The following SEPTIN9 variants were observed in gnomAD, a reference collection of about 807,000 sequenced individuals.
SEPTIN9 encodes septin-9.
A neutral mutation model predicts 56.6 loss-of-function variants in SEPTIN9; 13 were observed. The ratio of observed to expected loss-of-function variants is 0.23; its 90% confidence interval spans 0.15 to 0.37. The LOEUF is 0.37. SEPTIN9 is among the 10% of genes least tolerant of loss of function. The pLI is 1.00. For missense variants in SEPTIN9, 650 were observed against 823.1 expected, an observed-to-expected ratio of 0.79 and a Z score of 2.57; for synonymous variants, 332 against 334.1, an observed-to-expected ratio of 0.99 and a Z score of 0.07.
rs2037885887 is a variant in SEPTIN9 at position 77,449,543 on chromosome 17, C to T, written c.722-32601C>T. On this transcript the variant is annotated intron_variant, in intron 3 of 11. Transcript: ENST00000427177. This position sits in a 1 kb window ranked among gnomAD's most constrained non-coding sequence, Gnocchi z 4.6. ...AGAGAAGAAGGTTCGGAGAGGAGGG[C>T]CAAGGAAGAAGGGTTCTGCCCACGG... Among the ~76,000 whole-genome samples, 1 of 152,130 alleles carries T rather than the reference C, an allele frequency of 6.6e-6. No individual in the cohort carries two copies. Among genetic ancestry groups the T allele is most frequent in the South Asian group, 2.1e-4 (1 of 4,830 alleles).
At chr17:77,478,542 C>G (rs1181718555) in intron 3 of SEPTIN9, among the ~76,000 whole-genome samples, 1 of 152,030 alleles carries the variant, frequency 6.6e-6, no homozygotes, top group Non-Finnish European at 1.5e-5. Flanking sequence ...CGTGGTGGCT[C>G]ACGCCTGTAA....
At chr17:77,407,607 A>G (rs1598325475) in intron 3 of SEPTIN9, among the ~76,000 whole-genome samples, 2 of 152,092 alleles carry the variant, frequency 1.3e-5, no homozygotes, top group South Asian at 2.1e-4. Flanking sequence ...GGGCACCTAG[A>G]TGGTTGAAGG....
intron 2 of SEPTIN9, among the ~76,000 whole-genome samples, chr17:77,336,447 A>G (rs2033557017): frequency 6.6e-6 from 1 of 152,190 alleles, no homozygotes; most frequent in Non-Finnish European, 1.5e-5. Context: ...ATTGTTTTGT[A>G]GTTTTCAAGA....
intron 1 of SEPTIN9, among the ~76,000 whole-genome samples, chr17:77,289,889 C>T (rs1301575623): frequency 6.6e-6 from 1 of 152,144 alleles, no homozygotes; most frequent in Non-Finnish European, 1.5e-5. Flanking sequence ...CTTCTGTGTT[C>T]CATTCAGTGC....
intron 1 of SEPTIN9, among the ~76,000 whole-genome samples, chr17:77,302,798 C>T (rs189640217): frequency 6.6e-6 from 1 of 152,130 alleles, no homozygotes; most frequent in African/African-American, 2.4e-5. Context: ...GGCAAAAGAG[C>T]AGGGAGGGCA....
chr17:77,315,286 A>G (rs1469797659), intron 2 of SEPTIN9, among the ~76,000 whole-genome samples: 1 of 142,798 alleles, frequency 7.0e-6, no homozygotes, highest in Non-Finnish European at 1.5e-5. Flanking sequence ...ATGACCACCT[A>G]ACTTCTTTTT....
intron 8 of SEPTIN9, 72 bp downstream of exon 8, chr17:77,490,931 C>A: frequency 1.6e-6 from 2 of 1,213,926 alleles, no homozygotes; most frequent in Non-Finnish European, 2.4e-6. Flanking sequence ...GCAGGGGCCA[C>A]CCCGTCTAAA....
rs1256694218 is a variant in SEPTIN9, at chr17:77,367,622, C to T, written c.77-34437C>T. Among the ~76,000 whole-genome samples the T allele has an allele frequency of 6.6e-6, 1 of 151,852 alleles. No homozygotes were observed. The highest frequency in any genetic ancestry group is 2.1e-4 in the South Asian group (1 of 4,808). ...CTTGAGGCCAGGAGTTCGAGACTACCCTGGCCAACACGGTGAAACCCCATC... is the reference window on the plus strand; with the variant it reads ...CTTGAGGCCAGGAGTTCGAGACTACTCTGGCCAACACGGTGAAACCCCATC... On this transcript the variant is annotated intron_variant, in intron 2 of 11. Coordinates refer to ENST00000427177, the MANE Select transcript of SEPTIN9 (RefSeq NM_001113491.2). This position sits in a 1 kb window ranked among gnomAD's most constrained non-coding sequence, Gnocchi z 4.5.
At chr17:77,301,451 G>A (rs967469284) in intron 1 of SEPTIN9, among the ~76,000 whole-genome samples, 2 of 150,970 alleles carry the variant, frequency 1.3e-5, no homozygotes, top group African/African-American at 4.9e-5. Context: ...TTGAGAAAGA[G>A]TTTCGCTCTG....
chr17:77,464,929 C>T (rs1381717646), intron 3 of SEPTIN9, among the ~76,000 whole-genome samples: 1 of 152,202 alleles, frequency 6.6e-6, no homozygotes, highest in East Asian at 1.9e-4. Flanking sequence ...ACACAGCCAT[C>T]GCCATTAATC....
chr17:77,440,434 C>T (rs140636811), intron 3 of SEPTIN9, among the ~76,000 whole-genome samples: 1,623 of 152,316 alleles, frequency 0.011, 31 homozygotes, highest in African/African-American at 0.037. Context: ...GGATTACAGG[C>T]GTGAGCCACT....
Position 77,476,047 on chromosome 17 carries a change from G to C in SEPTIN9, c.722-6097G>C. On this transcript the variant is annotated intron_variant, in intron 3 of 11. Coordinates refer to ENST00000427177, the MANE Select transcript of SEPTIN9 (RefSeq NM_001113491.2). The surrounding 1 kb of genome is among the most constrained non-coding windows in gnomAD (Gnocchi z 6.0). ...CCGGCTGTCACTCCCCTGGAGCTGG[G>C]AATGGCATTGGGCGGTGGCTCAGGG... 2 of 902,582 alleles carry C rather than the reference G, an allele frequency of 2.2e-6. No individual in the cohort carries two copies. Among genetic ancestry groups the C allele is most frequent in the Non-Finnish European group, 3.4e-6 (2 of 586,852 alleles). The allele number at this position is 902,582 out of a possible 1,614,324, so 55.9% of individuals were successfully genotyped here. A position where few individuals can be genotyped will look rare whatever the true frequency, so the allele number is the denominator to read the frequency against.
At chr17:77,409,203 A>G (rs571778720) in intron 3 of SEPTIN9, among the ~76,000 whole-genome samples, 1 of 152,208 alleles carries the variant, frequency 6.6e-6, no homozygotes, top group East Asian at 1.9e-4. Flanking sequence ...CCTTCTAAGA[A>G]CAAGTACCCT....
In SEPTIN9 at chr17:77,492,852, C is replaced by G; in HGVS notation, c.1477-128C>G. ...GGGCACTGAGCCCAGGTGTCTGTAC[C>G]CAGTGCTGTCAGGCTGAGGCTCTCG... On this transcript the variant is annotated intron_variant, in intron 9 of 11. Coordinates refer to ENST00000427177, the MANE Select transcript of SEPTIN9 (RefSeq NM_001113491.2). This position sits in a 1 kb window ranked among gnomAD's most constrained non-coding sequence, Gnocchi z 5.4. The G allele has an allele frequency of 1.7e-6, 2 of 1,190,100 alleles. No homozygotes were observed. Among genetic ancestry groups the G allele is most frequent in the Non-Finnish European group, 2.5e-6 (2 of 802,500 alleles). The allele number at this position is 1,190,100 out of a possible 1,614,324, so 73.7% of individuals were successfully genotyped here. A position where few individuals can be genotyped will look rare whatever the true frequency, so the allele number is the denominator to read the frequency against.
chr17:77,291,443 A>G (rs2031549686), intron 1 of SEPTIN9, among the ~76,000 whole-genome samples: 1 of 151,512 alleles, frequency 6.6e-6, no homozygotes, highest in African/African-American at 2.4e-5. Context: ...GACCAGCCTG[A>G]CCAACATGGA....
intron 10 of SEPTIN9, among the ~76,000 whole-genome samples, chr17:77,494,807 G>A (rs1361806169): frequency 6.6e-6 from 1 of 152,192 alleles, no homozygotes; most frequent in Non-Finnish European, 1.5e-5. Flanking sequence ...GGGAGTTCAT[G>A]CCTGGAGGAG....
chr17:77,287,418 C>A (rs2031331225), intron 1 of SEPTIN9, among the ~76,000 whole-genome samples: 1 of 152,226 alleles, frequency 6.6e-6, no homozygotes, highest in Admixed American at 6.5e-5. Flanking sequence ...TGTGAGCTGC[C>A]CGTCTCCCTG....
intron 2 of SEPTIN9, among the ~76,000 whole-genome samples, chr17:77,342,857 C>T (rs2033775728): frequency 6.6e-6 from 1 of 152,082 alleles, no homozygotes; most frequent in East Asian, 1.9e-4. Context: ...GCCTGCGGTT[C>T]CAGCTACTTG....
chr17:77,490,826 C>A lies in SEPTIN9; in HGVS notation c.1347C>A (p.Leu449=). 1 of 1,592,086 alleles carries A rather than the reference C, an allele frequency of 6.3e-7. No homozygotes were observed. Among genetic ancestry groups the A allele is most frequent in the Non-Finnish European group, 8.6e-7 (1 of 1,169,046 alleles). ...CTGTCATCGCCAAGGCGGACACACT[C>A]ACCCTGGAGGAGAGGGTCCACTTCA... ...IVPVIAKADT[L]TLEERVHFKQ... The change falls in exon 8 of 12, where the codon CTC becomes CTA. Residue 449 remains leucine, a synonymous_variant. Coordinates refer to ENST00000427177, the MANE Select transcript of SEPTIN9 (RefSeq NM_001113491.2).
Sources: gnomAD v4.1 joint callset for allele counts (sites outside exome capture counted in the v4.1 genomes callset) on GRCh38, gnomAD v4.1.1 for gene constraint, Gnocchi (gnomAD v3.1) non-coding constraint, MANE v1.5 for transcripts, NCBI Gene and HGNC (gene_info 2026-07-23, HGNC 2026-07-21) for gene names.